The following ARL15 variants were observed in gnomAD, a reference collection of about 807,000 sequenced individuals.
ARL15 encodes the protein ARF like GTPase 15.
A neutral mutation model predicts 25.2 loss-of-function variants in ARL15; 19 were observed. The ratio of observed to expected loss-of-function variants is 0.75; its 90% CI spans 0.53 to 1.10. ARL15 has a LOEUF of 1.10. Among genes scored for constraint, ARL15 ranks in the 50% least tolerant of loss-of-function variants. ARL15 has a pLI of 0.00. For synonymous variants in ARL15, 94 were observed against 86.8 expected (o/e 1.08, Z -0.46); for missense variants, 220 against 246.0 (o/e 0.89, Z 0.71).
chr5:53,900,557 A>C (rs903081693), intron 4 of ARL15, among the ~76,000 whole-genome samples: 1 of 152,074 alleles, frequency 6.6e-6, no homozygotes, highest in African/African-American at 2.4e-5. Flanking sequence ...GAAATGAAAA[A>C]AAATTGTATT....
chr5:54,125,297 G>T (rs1753213404), intron 3 of ARL15, among the ~76,000 whole-genome samples: 1 of 152,122 alleles, frequency 6.6e-6, no homozygotes, highest in African/African-American at 2.4e-5. Flanking sequence ...GCCTCCCAAA[G>T]TGTTGGGATT....
intron 3 of ARL15, among the ~76,000 whole-genome samples, chr5:54,153,809 C>G (rs1469229340): frequency 6.6e-6 from 1 of 151,968 alleles, no homozygotes; most frequent in Admixed American, 6.6e-5. Flanking sequence ...GTTAGAATGA[C>G]CTTAAGGGAA....
chr5:54,004,217 G>A (rs140941593), intron 4 of ARL15, among the ~76,000 whole-genome samples: 72 of 152,274 alleles, frequency 4.7e-4, no homozygotes, highest in Admixed American at 1.2e-3. Flanking sequence ...ATTCTCGGCC[G>A]GGTGTGGTGG....
intron 1 of ARL15, among the ~76,000 whole-genome samples, chr5:54,194,778 A>G (rs1755505474): frequency 1.3e-5 from 2 of 152,230 alleles, no homozygotes; most frequent in Non-Finnish European, 2.9e-5. Flanking sequence ...TGAAAGGTTA[A>G]GCTTGGAAAG....
intron 1 of ARL15, among the ~76,000 whole-genome samples, chr5:54,225,989 A>G (rs897132959): frequency 3.9e-5 from 6 of 152,172 alleles, no homozygotes; most frequent in African/African-American, 1.4e-4. Context: ...GTTCCAGCAG[A>G]GGGAGGTGGC....
At chr5:54,065,979 C>G (rs1180884653) in intron 4 of ARL15, among the ~76,000 whole-genome samples, 1 of 152,198 alleles carries the variant, frequency 6.6e-6, no homozygotes, top group Non-Finnish European at 1.5e-5. Context: ...ATATAAACCG[C>G]ACTATTATTA....
At chr5:54,146,867 A>AT (rs1215411693) in intron 3 of ARL15, among the ~76,000 whole-genome samples, 1 of 152,152 alleles carries the variant, frequency 6.6e-6, no homozygotes, top group African/African-American at 2.4e-5. Context: ...GGGAAGATAA[A>AT]TTTTTTAAAA....
chr5:54,297,576 T>G (rs898347888), intron 1 of ARL15, among the ~76,000 whole-genome samples: 1 of 152,250 alleles, frequency 6.6e-6, no homozygotes, highest in African/African-American at 2.4e-5. Flanking sequence ...GACTTCTATC[T>G]AATTAAAATT....
chr5:53,894,690 C>T (rs77391133), intron 4 of ARL15, among the ~76,000 whole-genome samples: 8,281 of 152,200 alleles, frequency 0.054, 289 homozygotes, highest in Non-Finnish European at 0.084. Flanking sequence ...CTATCAGGCC[C>T]TCTACAGCCT....
At chr5:54,308,782 T>G (rs1758823104) in intron 1 of ARL15, among the ~76,000 whole-genome samples, 2 of 152,228 alleles carry the variant, frequency 1.3e-5, no homozygotes, top group African/African-American at 4.8e-5. Flanking sequence ...GACAGCTTTG[T>G]GATGCAATTT....
intron 2 of ARL15, among the ~76,000 whole-genome samples, chr5:54,164,673 C>A (rs1301756267): frequency 6.6e-6 from 1 of 151,956 alleles, no homozygotes; most frequent in Admixed American, 6.6e-5. Context: ...AACATAGCTA[C>A]CCCAACTTTC....
At chr5:54,143,301 C>G (rs1753819760) in intron 3 of ARL15, among the ~76,000 whole-genome samples, 2 of 151,970 alleles carry the variant, frequency 1.3e-5, no homozygotes, top group South Asian at 4.2e-4. Context: ...TTTAAAGGTT[C>G]ATGATTACTT....
chr5:54,234,279 C>T (rs1376561911), intron 1 of ARL15, among the ~76,000 whole-genome samples: 6 of 151,938 alleles, frequency 3.9e-5, no homozygotes, highest in African/African-American at 1.5e-4. Flanking sequence ...GCTTGAGCCA[C>T]CAGGCCTGGC....
chr5:54,191,700 A>T (rs1429141032), intron 1 of ARL15, among the ~76,000 whole-genome samples: 1 of 151,632 alleles, frequency 6.6e-6, no homozygotes, highest in Admixed American at 6.6e-5. Flanking sequence ...ATATATACAG[A>T]CTCCAACTAC....
intron 1 of ARL15, among the ~76,000 whole-genome samples, chr5:54,190,130 G>A (rs571058044): frequency 6.6e-6 from 1 of 152,246 alleles, no homozygotes; most frequent in East Asian, 1.9e-4. Flanking sequence ...GGTGGCTCAC[G>A]CCTGTAATTC....
intron 4 of ARL15, among the ~76,000 whole-genome samples, chr5:53,986,097 C>T (rs1185881285): frequency 6.6e-6 from 1 of 152,202 alleles, no homozygotes; most frequent in Non-Finnish European, 1.5e-5. Flanking sequence ...CCTCTCCTCT[C>T]ATTTACAATT....
intron 4 of ARL15, among the ~76,000 whole-genome samples, chr5:54,065,776 T>C (rs6876640): frequency 0.29 from 43,801 of 152,086 alleles, 8,638 homozygotes; most frequent in African/African-American, 0.56. Flanking sequence ...AAAGACCTAG[T>C]ATGAGAAAAA....
intron 4 of ARL15, among the ~76,000 whole-genome samples, chr5:54,056,687 C>A (rs1305369093): frequency 5.3e-5 from 8 of 151,316 alleles, no homozygotes; most frequent in Middle Eastern, 3.4e-3. Flanking sequence ...GAAACTGACA[C>A]CTCGTGGGGT....
At chr5:53,891,516 G>A (rs924660490) in intron 4 of ARL15, among the ~76,000 whole-genome samples, 1 of 152,174 alleles carries the variant, frequency 6.6e-6, no homozygotes, top group Non-Finnish European at 1.5e-5. Flanking sequence ...CATTCCCTGG[G>A]TGGTCCTGCC....
Sources: gnomAD v4.1 joint callset for allele counts (sites outside exome capture counted in the v4.1 genomes callset) on GRCh38, gnomAD v4.1.1 for gene constraint, MANE v1.5 for transcripts, NCBI Gene and HGNC (gene_info 2026-07-23, HGNC 2026-07-21) for gene names.